Variants in NCKAP5 observed in about 807,000 individuals in gnomAD.
NCKAP5 encodes NCK associated protein 5, also known as nck-associated protein 5.
A neutral mutation model predicts 167.0 loss-of-function variants in NCKAP5; 92 were observed. The observed-to-expected ratio is 0.55, with a 90% CI of 0.47 to 0.66. The LOEUF is 0.66. Among genes scored for constraint, NCKAP5 ranks in the 30% least tolerant of loss-of-function variants. The probability of loss-of-function intolerance (pLI) is 0.00; values close to 1 mark genes in which losing one functional copy is unlikely to be tolerated. For missense variants in NCKAP5, 2,378 were observed against 2,315.0 expected, an observed-to-expected ratio of 1.03 and a Z score of -0.56; for synonymous variants, 891 against 877.4, an observed-to-expected ratio of 1.02 and a Z score of -0.27.
intron 19 of NCKAP5, among the ~76,000 whole-genome samples, chr2:132,688,622 A>T (rs922565972): frequency 6.6e-6 from 1 of 152,154 alleles, no homozygotes; most frequent in African/African-American, 2.4e-5. Context: ...GGGGTTGGGC[A>T]GCAGCAGATG....
chr2:132,748,638 G>A (rs1043811043), intron 16 of NCKAP5, among the ~76,000 whole-genome samples: 13 of 152,002 alleles, frequency 8.6e-5, no homozygotes, highest in Admixed American at 1.3e-4. Flanking sequence ...AACTATACCC[G>A]TACCCTACTC....
At chr2:133,435,037 C>A (rs558921525) in intron 3 of NCKAP5, among the ~76,000 whole-genome samples, 1 of 152,324 alleles carries the variant, frequency 6.6e-6, no homozygotes, top group African/African-American at 2.4e-5. Flanking sequence ...ATTTCCTTGG[C>A]AAAGCCCTGG....
intron 8 of NCKAP5, among the ~76,000 whole-genome samples, chr2:132,894,057 T>C (rs1692940353): frequency 2.0e-5 from 3 of 152,080 alleles, no homozygotes; most frequent in Non-Finnish European, 4.4e-5. Context: ...CTGAGGCGGA[T>C]GGAGCCAGTT....
chr2:133,022,186 T>G (rs2078551924), intron 6 of NCKAP5, among the ~76,000 whole-genome samples: 1 of 152,168 alleles, frequency 6.6e-6, no homozygotes, highest in Non-Finnish European at 1.5e-5. Context: ...TAGGATATAC[T>G]AGCCCCAAAT....
chr2:133,247,346 A>T (rs887392184), intron 4 of NCKAP5, among the ~76,000 whole-genome samples: 2 of 152,246 alleles, frequency 1.3e-5, no homozygotes, highest in African/African-American at 4.8e-5. Flanking sequence ...CATTAAAAAT[A>T]AATTTTTACA....
At chr2:133,394,129 T>G (rs754512449) in intron 3 of NCKAP5, among the ~76,000 whole-genome samples, 5 of 152,194 alleles carry the variant, frequency 3.3e-5, no homozygotes, top group Non-Finnish European at 5.9e-5. Context: ...ATAAAATGAT[T>G]TGGTAAATGT....
At chr2:133,060,553 G>A in intron 6 of NCKAP5, among the ~76,000 whole-genome samples, 1 of 152,130 alleles carries the variant, frequency 6.6e-6, no homozygotes, top group East Asian at 1.9e-4. Context: ...CCGTTTTCTA[G>A]CCGTCCCTGA....
chr2:133,160,804 T>C (rs1024192891), intron 5 of NCKAP5, among the ~76,000 whole-genome samples: 3 of 152,170 alleles, frequency 2.0e-5, no homozygotes, highest in African/African-American at 4.8e-5. Flanking sequence ...TTTTCTCCTT[T>C]AGAAGAAATC....
At chr2:133,503,202 T>C (rs1682693758) in intron 3 of NCKAP5, among the ~76,000 whole-genome samples, 1 of 152,224 alleles carries the variant, frequency 6.6e-6, no homozygotes, top group Admixed American at 6.5e-5. Context: ...CATTTCTTCC[T>C]TTACTCAGTC....
At chr2:132,815,440 C>T (rs572564764) in intron 11 of NCKAP5, among the ~76,000 whole-genome samples, 1 of 152,262 alleles carries the variant, frequency 6.6e-6, no homozygotes, top group East Asian at 1.9e-4. Flanking sequence ...TTAAAGACAA[C>T]AATTTTTTTC....
intron 6 of NCKAP5, among the ~76,000 whole-genome samples, chr2:133,032,367 C>T (rs966467204): frequency 2.0e-5 from 3 of 152,108 alleles, no homozygotes; most frequent in Non-Finnish European, 4.4e-5. Flanking sequence ...ATGGGTGAGG[C>T]TCCTATGGAT....
chr2:132,971,795 G>A (rs1419492160), intron 7 of NCKAP5, among the ~76,000 whole-genome samples: 1 of 152,158 alleles, frequency 6.6e-6, no homozygotes, highest in African/African-American at 2.4e-5. Flanking sequence ...GAGTTGACAG[G>A]GGCTGGGGGA....
chr2:133,350,235 G>A (rs983338288), intron 3 of NCKAP5, among the ~76,000 whole-genome samples: 1 of 152,072 alleles, frequency 6.6e-6, no homozygotes, highest in Non-Finnish European at 1.5e-5. Context: ...AACATAGTGA[G>A]ATCCCATCTC....
intron 6 of NCKAP5, among the ~76,000 whole-genome samples, chr2:133,003,782 G>C (rs964149912): frequency 1.3e-5 from 2 of 152,198 alleles, no homozygotes; most frequent in Non-Finnish European, 2.9e-5. Context: ...GAGGATGCAA[G>C]AGCATTCATA....
intron 3 of NCKAP5, among the ~76,000 whole-genome samples, chr2:133,337,100 T>C (rs1014170628): frequency 1.3e-5 from 2 of 152,242 alleles, no homozygotes; most frequent in African/African-American, 4.8e-5. Context: ...ATTTGTTTTC[T>C]GATCCCCCAC....
chr2:132,697,671 GAT>G (rs1161109573), intron 19 of NCKAP5, among the ~76,000 whole-genome samples: 5 of 151,308 alleles, frequency 3.3e-5, no homozygotes, highest in African/African-American at 1.2e-4. Context: ...TTTTCATTTT[GAT>G]ATAGTTGGTC....
chr2:133,363,640 G>A (rs1574804088), intron 3 of NCKAP5, among the ~76,000 whole-genome samples: 2 of 152,156 alleles, frequency 1.3e-5, no homozygotes, highest in South Asian at 4.2e-4. Context: ...ACAGAGATAA[G>A]GCATGTCTTA....
rs188082194 is a variant in NCKAP5 at position 132,922,879 on chromosome 2, G to A, written c.579+40841C>T. 7.9e-5 allele frequency among the ~76,000 whole-genome samples: 12 copies of A among 152,216 alleles called. 1 individual carries two copies. The East Asian group carries it at 1.5e-3, about 20-fold the overall frequency. On this transcript the variant is annotated intron_variant, in intron 8 of 19. Coordinates refer to ENST00000409261, the MANE Select transcript of NCKAP5 (RefSeq NM_207363.3). The stretch of plus-strand genomic sequence containing the variant: ...ACTTCTGGTCATGGACCTTTATGTT[G>A]CACAGCCTGGTCTTTTAATGGAATC...
intron 19 of NCKAP5, among the ~76,000 whole-genome samples, chr2:132,712,120 C>A (rs1441852314): frequency 1.3e-5 from 2 of 152,146 alleles, no homozygotes; most frequent in African/African-American, 4.8e-5. Flanking sequence ...TTTGTATTAT[C>A]AATTACCCTC....
Sources: gnomAD v4.1 joint callset for allele counts (sites outside exome capture counted in the v4.1 genomes callset) on GRCh38, gnomAD v4.1.1 for gene constraint, MANE v1.5 for transcripts, NCBI Gene and HGNC (gene_info 2026-07-23, HGNC 2026-07-21) for gene names.